Variants in PLXNA4 observed in about 807,000 individuals in gnomAD.
PLXNA4 encodes the protein plexin-A4.
PLXNA4 carries 44 observed loss-of-function variants against 191.8 expected under a neutral mutation model. The observed-to-expected ratio is 0.23, with a 90% CI of 0.18 to 0.29. PLXNA4 has a LOEUF of 0.29. Ranked by LOEUF, PLXNA4 falls within the 10% of genes least tolerant of loss-of-function variation. PLXNA4 has a pLI of 1.00. For synonymous variants in PLXNA4, 1,082 were observed against 1,009.5 expected, an observed-to-expected ratio of 1.07 and a Z score of -1.36; for missense variants, 1,800 against 2,488.8, an observed-to-expected ratio of 0.72 and a Z score of 5.89.
intron 3 of PLXNA4, among the ~76,000 whole-genome samples, chr7:132,402,182 A>T (rs1484392445): frequency 6.6e-6 from 1 of 152,218 alleles, no homozygotes; most frequent in Non-Finnish European, 1.5e-5. Flanking sequence ...TTTTATACAC[A>T]AGTCTAATAA....
chr7:132,314,652 G>C (rs916169384), intron 3 of PLXNA4, among the ~76,000 whole-genome samples: 2 of 152,186 alleles, frequency 1.3e-5, no homozygotes, highest in Admixed American at 6.5e-5. Flanking sequence ...TTCCAAAAGA[G>C]GTCCTCACGG....
rs186820877 is a variant in PLXNA4 at position 132,477,449 on chromosome 7, C to A, written c.1371+11843G>T. Among the ~76,000 whole-genome samples the A allele has an allele frequency of 8.9e-4, 135 of 152,308 alleles. 3 individuals are homozygous for A. The East Asian group carries it at 0.02, about 22-fold the overall frequency. On this transcript the variant is annotated intron_variant, in intron 3 of 31. Coordinates refer to ENST00000321063, the MANE Select transcript of PLXNA4 (RefSeq NM_020911.2). Reference sequence around the variant, plus strand: ...ACAGGGGCTGCCCTTCCAAGTCTCCCAGATAAATAACATGGAGCAGGGCTG... The same window carrying A: ...ACAGGGGCTGCCCTTCCAAGTCTCCAAGATAAATAACATGGAGCAGGGCTG...
intron 1 of PLXNA4, among the ~76,000 whole-genome samples, chr7:132,554,774 A>T (rs1164105062): frequency 6.6e-6 from 1 of 152,146 alleles, no homozygotes; most frequent in Non-Finnish European, 1.5e-5. Context: ...GTGTTCATAA[A>T]TATCACCTAT....
chr7:132,128,007 AAAT>A lies in PLXNA4; in HGVS notation c.*2469_*2471del, dbSNP rs985451029. ...TTAACTGTGCAAAAAAAAAAAAAAA[AAAT>A]CAAAATGCACTCACTCATACACACG... is the stretch of plus-strand genomic sequence containing the variant. On this transcript the variant is annotated 3_prime_UTR_variant, in exon 32 of 32. Transcript: ENST00000321063. The A allele has an allele frequency of 6.7e-6, 1 of 149,602 alleles. No individual in the cohort carries two copies. The allele number at this position is 149,602 out of a possible 1,614,324, so 9.3% of individuals were successfully genotyped here.
At chr7:132,606,021 G>A (rs1005588313) in intron 2 of PLXNA4, among the ~76,000 whole-genome samples, 2 of 152,122 alleles carry the variant, frequency 1.3e-5, no homozygotes, top group Non-Finnish European at 2.9e-5. Flanking sequence ...AAAATCAGCT[G>A]AGCACAATGG....
At chr7:132,176,658 G>A (rs1796473476) in intron 20 of PLXNA4, among the ~76,000 whole-genome samples, 1 of 152,170 alleles carries the variant, frequency 6.6e-6, no homozygotes, top group African/African-American at 2.4e-5. Context: ...GCATGTGCAA[G>A]TGTGAATGTC....
At chr7:132,634,346 CTA>C (rs1803552505) in intron 2 of PLXNA4, among the ~76,000 whole-genome samples, 1 of 152,218 alleles carries the variant, frequency 6.6e-6, no homozygotes, top group East Asian at 1.9e-4. Context: ...TCAATAAACC[CTA>C]TGTCTCATTC....
intron 2 of PLXNA4, among the ~76,000 whole-genome samples, chr7:132,619,995 G>T (rs776536180): frequency 1.3e-5 from 2 of 152,140 alleles, no homozygotes; most frequent in Non-Finnish European, 2.9e-5. Flanking sequence ...GTAGAGATGG[G>T]GTTTCACTGT....
chr7:132,486,203 T>C (rs1797551856), intron 3 of PLXNA4, among the ~76,000 whole-genome samples: 1 of 152,132 alleles, frequency 6.6e-6, no homozygotes, highest in African/African-American at 2.4e-5. Flanking sequence ...CTGGCCTCAG[T>C]CACTTGCAAA....
Position 132,179,792 on chromosome 7 carries a change from G to A in PLXNA4, c.3769C>T (p.Leu1257Phe). The part of the protein sequence containing the change: ...GLLIIFIVAV[L>F]IAYKRKSRES... ...CGGGACTTGCGTTTATAGGCAATGA[G>A]CACGGCCACGATGAAAATGATGAGG... Residue 1257 changes from leucine (L) to phenylalanine (F), a missense_variant, in exon 20 of 32, where the codon CTC becomes TTC. By Grantham distance (22) the Leu-to-Phe change is conservative. Coordinates refer to ENST00000321063, the MANE Select transcript of PLXNA4 (RefSeq NM_020911.2). The A allele has an allele frequency of 1.2e-6, 2 of 1,613,850 alleles. No homozygotes were observed. The highest frequency in any genetic ancestry group is 8.5e-7 in the Non-Finnish European group (1 of 1,180,030).
intron 3 of PLXNA4, among the ~76,000 whole-genome samples, chr7:132,429,825 G>T (rs1384374277): frequency 2.6e-5 from 4 of 152,062 alleles, no homozygotes; most frequent in African/African-American, 9.7e-5. Flanking sequence ...TCTTTTCTAG[G>T]TCACATTGCC....
At chr7:132,321,813 G>A (rs1001585042) in intron 3 of PLXNA4, among the ~76,000 whole-genome samples, 1 of 152,116 alleles carries the variant, frequency 6.6e-6, no homozygotes, top group African/African-American at 2.4e-5. Flanking sequence ...GCCTGTATGC[G>A]GGTGGCCACC....
intron 3 of PLXNA4, among the ~76,000 whole-genome samples, chr7:132,479,345 C>T (rs73444815): frequency 0.041 from 6,240 of 152,146 alleles, 208 homozygotes; most frequent in African/African-American, 0.083. Context: ...GAGGGCAGCC[C>T]CAAGGAAGGG....
At position 132,508,444 on chromosome 7, in the gene PLXNA4, G is replaced by A; in HGVS notation, c.250C>T (p.His84Tyr). 1.2e-6 allele frequency: 2 copies of A among 1,614,214 alleles called. No individual in the cohort carries two copies. The highest frequency in any genetic ancestry group is 1.7e-6 in the Non-Finnish European group (2 of 1,180,036). Residue 84 changes from histidine (H) to tyrosine (Y), a missense_variant, in exon 2 of 32, where the codon CAT becomes TAT. Around this residue, in one of 6 missense-constraint regions of PLXNA4, gnomAD observed 1,397 missense variants for 1,880.4 expected, o/e 0.74. Coordinates refer to ENST00000321063, the MANE Select transcript of PLXNA4 (RefSeq NM_020911.2). This position sits in a 1 kb window ranked among gnomAD's most constrained non-coding sequence, Gnocchi z 4.4. ...LSSDLKVLVTHETGPDEDNPK... is the reference protein window; with the variant it reads ...LSSDLKVLVTYETGPDEDNPK... ...TTGTCCTCGTCCGGCCCTGTCTCATGCGTCACCAAGACCTTCAGGTCGCTG... is the reference window on the plus strand; with the variant it reads ...TTGTCCTCGTCCGGCCCTGTCTCATACGTCACCAAGACCTTCAGGTCGCTG...
intron 1 of PLXNA4, among the ~76,000 whole-genome samples, chr7:132,565,784 A>G (rs1050728150): frequency 5.3e-5 from 8 of 152,178 alleles, no homozygotes; most frequent in African/African-American, 9.7e-5. Flanking sequence ...ATGAAAGCCA[A>G]TGGTTTATGA....
At chr7:132,246,606 G>A (rs557309839) in intron 4 of PLXNA4, among the ~76,000 whole-genome samples, 1 of 152,210 alleles carries the variant, frequency 6.6e-6, no homozygotes, top group South Asian at 2.1e-4. Context: ...TCACTCATGT[G>A]CCCTTCCCCA....
intron 3 of PLXNA4, among the ~76,000 whole-genome samples, chr7:132,373,449 G>A (rs1224407810): frequency 6.6e-6 from 1 of 152,194 alleles, no homozygotes; most frequent in African/African-American, 2.4e-5. Flanking sequence ...AGTGAAACCA[G>A]CAGAGTGGCA....
chr7:132,388,268 C>T lies in PLXNA4; in HGVS notation c.1372-90046G>A, dbSNP rs115180916. On this transcript the variant is annotated intron_variant, in intron 3 of 31. Transcript: ENST00000321063. Reference sequence around the variant, plus strand: ...CTGCACTGTGACTGTCACTTCGATCCGACTTCCATAGGAGTTCTCTCCCCT... The same window carrying T: ...CTGCACTGTGACTGTCACTTCGATCTGACTTCCATAGGAGTTCTCTCCCCT... Among the ~76,000 whole-genome samples the T allele has an allele frequency of 7.2e-3, 1,096 of 152,174 alleles. 13 individuals carry two copies. Among genetic ancestry groups the T allele is most frequent in the African/African-American group, 0.026 (1,060 of 41,514 alleles).
At chr7:132,166,793 T>C (rs1796136437) in intron 22 of PLXNA4, among the ~76,000 whole-genome samples, 1 of 151,748 alleles carries the variant, frequency 6.6e-6, no homozygotes, top group South Asian at 2.1e-4. Context: ...GTGGCAACCC[T>C]AGAATTATGC....
Sources: gnomAD v4.1 joint callset for allele counts (sites outside exome capture counted in the v4.1 genomes callset) on GRCh38, gnomAD v4.1.1 for gene constraint, gnomAD v4.1.1 regional missense constraint, Gnocchi (gnomAD v3.1) non-coding constraint, MANE v1.5 for transcripts, NCBI Gene and HGNC (gene_info 2026-07-23, HGNC 2026-07-21) for gene names.